The following ZNF292 variants were observed in gnomAD, a reference collection of about 807,000 sequenced individuals.
ZNF292 encodes the protein 16 zinc-finger domain protein.
Under a neutral mutation model 217.9 loss-of-function variants are expected in ZNF292, and 26 were observed. That is an observed-to-expected ratio of 0.12 (90% CI 0.09 to 0.17). The LOEUF (loss-of-function observed/expected upper bound fraction) is 0.17, where lower values mean the gene tolerates loss of function less well. Ranked by LOEUF, ZNF292 falls within the 10% of genes least tolerant of loss-of-function variation. The probability of loss-of-function intolerance (pLI) is 1.00; values close to 1 mark genes in which losing one functional copy is unlikely to be tolerated. For missense variants in ZNF292, 2,904 were observed against 3,175.2 expected, an observed-to-expected ratio of 0.91 and a Z score of 2.05; for synonymous variants, 1,257 against 1,124.1, an observed-to-expected ratio of 1.12 and a Z score of -2.37.
intron 1 of ZNF292, among the ~76,000 whole-genome samples, chr6:87,197,722 CAAAAAAA>C (rs11312557): frequency 2.7e-4 from 21 of 77,338 alleles, no homozygotes; most frequent in African/African-American, 8.0e-4. Context: ...CTCGCTGTTT[CAAAAAAA>C]AAAAAAAAAA....
Position 87,265,224 on chromosome 6 carries a change from C to G in ZNF292, c.*3423C>G, listed in dbSNP as rs1458969356. ...CTGCCTCCCAAGTTCAAGTGATTCTCCTGCCTCAGCCTCCCCAGTAGCTGG... is the reference window on the plus strand; with the variant it reads ...CTGCCTCCCAAGTTCAAGTGATTCTGCTGCCTCAGCCTCCCCAGTAGCTGG... On this transcript the variant is annotated 3_prime_UTR_variant, in exon 8 of 8. Transcript: ENST00000369577. 6.6e-6 allele frequency among the ~76,000 whole-genome samples: 1 copy of G among 152,052 alleles called. No individual in the cohort carries two copies. The highest frequency in any genetic ancestry group is 1.5e-5 in the Non-Finnish European group (1 of 68,014).
chr6:87,210,204 TAA>T (rs1772423159), intron 1 of ZNF292, among the ~76,000 whole-genome samples: 1 of 152,322 alleles, frequency 6.6e-6, no homozygotes, highest in East Asian at 1.9e-4. Flanking sequence ...GCCAAATTGT[TAA>T]AGTGTGCATT....
At chr6:87,171,616 C>T (rs1402889026) in intron 1 of ZNF292, among the ~76,000 whole-genome samples, 2 of 151,940 alleles carry the variant, frequency 1.3e-5, no homozygotes, top group African/African-American at 4.8e-5. Context: ...TTATTTAATC[C>T]ACTATACCAA....
At chr6:87,183,278 G>A (rs565942890) in intron 1 of ZNF292, among the ~76,000 whole-genome samples, 1 of 152,210 alleles carries the variant, frequency 6.6e-6, no homozygotes, top group East Asian at 1.9e-4. Context: ...AGAATGCTTT[G>A]CAATAGACAG....
intron 1 of ZNF292, among the ~76,000 whole-genome samples, chr6:87,207,831 A>G (rs1486813148): frequency 6.6e-6 from 1 of 152,066 alleles, no homozygotes; most frequent in African/African-American, 2.4e-5. Flanking sequence ...AATCCATCTA[A>G]TATGCTATAA....
At chr6:87,246,681 A>G (rs1359237156) in intron 7 of ZNF292, among the ~76,000 whole-genome samples, 5 of 152,224 alleles carry the variant, frequency 3.3e-5, no homozygotes, top group African/African-American at 7.2e-5. Context: ...CCTGGCCAAC[A>G]TGATGAAACC....
intron 1 of ZNF292, among the ~76,000 whole-genome samples, chr6:87,199,506 A>G (rs971378367): frequency 4.6e-5 from 7 of 152,174 alleles, no homozygotes; most frequent in African/African-American, 1.7e-4. Flanking sequence ...ATTGAAGTCC[A>G]ATTTATGAAC....
chr6:87,241,249 G>A (rs1774269849), intron 5 of ZNF292, among the ~76,000 whole-genome samples: 1 of 151,948 alleles, frequency 6.6e-6, no homozygotes. Flanking sequence ...GCACCACTGT[G>A]CCCCAGCCTG....
chr6:87,235,903 G>A (rs1462470362), intron 5 of ZNF292, among the ~76,000 whole-genome samples: 1 of 152,152 alleles, frequency 6.6e-6, no homozygotes, highest in African/African-American at 2.4e-5. Flanking sequence ...CACTTACATA[G>A]CACTACACAT....
rs763605885 is a variant in ZNF292 at position 87,259,605 on chromosome 6, T to C, written c.5976T>C (p.Ser1992=). 1 of 1,579,004 alleles carries C rather than the reference T, an allele frequency of 6.3e-7. No individual in the cohort carries two copies. The highest frequency in any genetic ancestry group is 1.2e-5 in the South Asian group (1 of 86,442). ...TTAAAAGGCCTTATGGAAGAAAATCTCAGAGTGAAAATGTGCCGGCCTCAC... is the reference window on the plus strand; with the variant it reads ...TTAAAAGGCCTTATGGAAGAAAATCCCAGAGTGAAAATGTGCCGGCCTCAC... The part of the protein sequence containing the change: ...LKIKRPYGRK[S]QSENVPASRS... Residue 1992 remains serine (S), a synonymous_variant, in exon 8 of 8, where the codon TCT becomes TCC. Transcript: ENST00000369577.
intron 5 of ZNF292, among the ~76,000 whole-genome samples, chr6:87,239,905 C>T (rs933784129): frequency 1.3e-5 from 2 of 149,744 alleles, no homozygotes; most frequent in Admixed American, 6.6e-5. Context: ...ACATCCCAGA[C>T]GATGGGTGGC....
chr6:87,159,717 G>A (rs1479515872), intron 1 of ZNF292, among the ~76,000 whole-genome samples: 1 of 151,796 alleles, frequency 6.6e-6, no homozygotes, highest in East Asian at 1.9e-4. Flanking sequence ...GGTCAGGCTG[G>A]TTCCGCCCCT....
At chr6:87,181,958 A>G (rs1368650469) in intron 1 of ZNF292, among the ~76,000 whole-genome samples, 4 of 152,162 alleles carry the variant, frequency 2.6e-5, no homozygotes, top group Non-Finnish European at 4.4e-5. Flanking sequence ...TGCTGAGATT[A>G]CAGGCGCCCG....
At chr6:87,215,774 A>C in intron 1 of ZNF292, 129 bp from the exon 2 acceptor site, 1 of 644,738 alleles carries the variant, frequency 1.6e-6, no homozygotes, top group Non-Finnish European at 2.4e-6. Context: ...TTTAATCAAT[A>C]TAAACTACTT....
At chr6:87,159,042 A>T (rs764736246) in intron 1 of ZNF292, among the ~76,000 whole-genome samples, 1 of 152,236 alleles carries the variant, frequency 6.6e-6, no homozygotes, top group Non-Finnish European at 1.5e-5. Context: ...TTTACATTCT[A>T]TGTAATTTTT....
chr6:87,176,509 T>G (rs1227545551), intron 1 of ZNF292, among the ~76,000 whole-genome samples: 1 of 152,220 alleles, frequency 6.6e-6, no homozygotes, highest in East Asian at 1.9e-4. Flanking sequence ...ATGGCCTGTT[T>G]CAGGGGAGAA....
At chr6:87,194,730 A>G (rs1467722883) in intron 1 of ZNF292, among the ~76,000 whole-genome samples, 2 of 152,222 alleles carry the variant, frequency 1.3e-5, no homozygotes, top group African/African-American at 2.4e-5. Flanking sequence ...AAACCTAACA[A>G]ATAGTGTTTA....
intron 1 of ZNF292, among the ~76,000 whole-genome samples, chr6:87,211,895 A>G (rs1772503140): frequency 6.6e-6 from 1 of 152,198 alleles, no homozygotes; most frequent in Non-Finnish European, 1.5e-5. Flanking sequence ...TTGTCTGTTC[A>G]TATGTGTATA....
rs559058251 is a variant in ZNF292, at chr6:87,265,505, C to T, written c.*3704C>T. On this transcript the variant is annotated 3_prime_UTR_variant, in exon 8 of 8. Transcript: ENST00000369577. Reference sequence around the variant, plus strand: ...AAAGTGCAGGTATTACAAGCATGAGCCACCACACCCAGCCTCTCTTAAATA... The same window carrying T: ...AAAGTGCAGGTATTACAAGCATGAGTCACCACACCCAGCCTCTCTTAAATA... Among the ~76,000 whole-genome samples, 1 of 152,260 alleles carries T rather than the reference C, an allele frequency of 6.6e-6. No homozygotes were observed. The highest frequency in any genetic ancestry group is 2.1e-4 in the South Asian group (1 of 4,820).
Sources: allele counts gnomAD v4.1 joint callset (sites outside exome capture counted in the v4.1 genomes callset), GRCh38; gene constraint gnomAD v4.1.1; transcripts MANE v1.5; gene names NCBI Gene and HGNC (gene_info 2026-07-23, HGNC 2026-07-21).